The following PARVB variants were observed in gnomAD, a reference collection of about 807,000 sequenced individuals.
PARVB encodes parvin beta, also known as beta-parvin.
In PARVB, 46 loss-of-function variants were observed where a neutral mutation model predicts 47.0. The ratio of observed to expected loss-of-function variants is 0.98; its 90% CI spans 0.77 to 1.25. The LOEUF (loss-of-function observed/expected upper bound fraction) is 1.25, where lower values mean the gene tolerates loss of function less well. Ranked by LOEUF, PARVB falls within the 50% of genes most tolerant of loss-of-function variation. The pLI is 0.00. For missense variants in PARVB, 473 were observed against 471.6 expected (o/e 1.00, Z -0.03); for synonymous variants, 196 against 196.3 (o/e 1.00, Z 0.01).
chr22:44,122,534 GAGAGAGAGAGAGAGAGAGACACAGAGAC>G lies in PARVB; in HGVS notation c.376+3414_376+3441del, dbSNP rs1569134395. On this transcript the variant is annotated intron_variant, in intron 4 of 12. Transcript: ENST00000338758. ...AGAGAGAGAGACAGAGAGACAGAGAGAGAGAGAGAGAGAGAGAGACACAGAGACAGAGAGAGAGAGAGAGAGAGAGAGA... is the reference window on the plus strand; with the variant it reads ...AGAGAGAGAGACAGAGAGACAGAGAGAGAGAGAGAGAGAGAGAGAGAGAGA... Among the ~76,000 whole-genome samples the G allele has an allele frequency of 4.2e-3, 406 of 96,820 alleles. 7 individuals are homozygous for G. Among genetic ancestry groups the G allele is most frequent in the Non-Finnish European group, 4.8e-3 (232 of 48,712 alleles). 63.5% of individuals were successfully genotyped at this position (96,820 alleles called of 152,430 possible).
In PARVB at chr22:44,131,471, G is replaced by T; in HGVS notation, c.377-16G>T. 1.2e-6 allele frequency: 2 copies of T among 1,612,950 alleles called. No individual in the cohort carries two copies. The highest frequency in any genetic ancestry group is 1.7e-6 in the Non-Finnish European group (2 of 1,179,438). On this transcript the variant is annotated splice_polypyrimidine_tract_variant and intron_variant, in intron 4 of 12. Transcript: ENST00000338758. ...CAGCTTTTTCTGACCCTCTTCTCTTGTGCTTCTCATTGCAGAAAAACTGGC... is the reference window on the plus strand; with the variant it reads ...CAGCTTTTTCTGACCCTCTTCTCTTTTGCTTCTCATTGCAGAAAAACTGGC...
At chr22:44,004,665 C>T (rs1354120823) in intron 2 of PARVB, among the ~76,000 whole-genome samples, 1 of 152,182 alleles carries the variant, frequency 6.6e-6, no homozygotes, top group Non-Finnish European at 1.5e-5. Flanking sequence ...GTAGTTCCTG[C>T]CTTAAGATGT....
intron 4 of PARVB, among the ~76,000 whole-genome samples, chr22:44,130,265 G>A (rs565599793): frequency 1.4e-4 from 21 of 152,328 alleles, no homozygotes; most frequent in Non-Finnish European, 2.5e-4. Context: ...GCTCTGTGAC[G>A]TCGCTTTTGT....
At chr22:44,042,345 C>T (rs374678919) in intron 1 of PARVB, among the ~76,000 whole-genome samples, 27 of 152,152 alleles carry the variant, frequency 1.8e-4, no homozygotes, top group African/African-American at 6.3e-4. Flanking sequence ...CGCTTGAACC[C>T]GGGTGGCGGA....
At chr22:44,106,151 T>G (rs2052563032) in intron 3 of PARVB, 1 of 147,864 alleles carries the variant, frequency 6.8e-6, no homozygotes, top group Non-Finnish European at 1.5e-5. Context: ...TTTTTTTTTT[T>G]TTTTTTTTTT....
Position 44,120,449 on chromosome 22 carries a change from C to T in PARVB, c.376+1309C>T, listed in dbSNP as rs565325878. Among the ~76,000 whole-genome samples the T allele has an allele frequency of 3.3e-5, 5 of 152,278 alleles. 1 individual carries two copies. In the East Asian group the frequency reaches 7.7e-4, roughly 24 times the overall value. On this transcript the variant is annotated intron_variant, in intron 4 of 12. Coordinates refer to ENST00000338758, the MANE Select transcript of PARVB (RefSeq NM_013327.5). ...CTTGTCTTGTAGAATATCCTCCCAT[C>T]GGGATCTGTCTGTCTCCTCACGATG...
At chr22:44,067,925 A>G (rs1274257941) in intron 1 of PARVB, among the ~76,000 whole-genome samples, 1 of 152,128 alleles carries the variant, frequency 6.6e-6, no homozygotes, top group African/African-American at 2.4e-5. Context: ...GTTGGGGGAC[A>G]GGGGTGACCG....
chr22:44,132,400 AAG>A (rs1198352167), intron 5 of PARVB, among the ~76,000 whole-genome samples: 2 of 152,198 alleles, frequency 1.3e-5, no homozygotes, highest in Non-Finnish European at 2.9e-5. Context: ...CATGCTGAGG[AAG>A]AGAGAGGACA....
intron 1 of PARVB, among the ~76,000 whole-genome samples, chr22:44,085,370 C>T (rs757416937): frequency 6.6e-6 from 1 of 152,128 alleles, no homozygotes; most frequent in African/African-American, 2.4e-5. Flanking sequence ...AGTGCAGTGG[C>T]GTGATCTTGG....
At chr22:44,104,678 G>C (rs891262742) in intron 3 of PARVB, 1 of 152,236 alleles carries the variant, frequency 6.6e-6, no homozygotes, top group Non-Finnish European at 1.5e-5. Context: ...GTGGGTAGGG[G>C]TGAGCAGGTG....
At chr22:44,121,594 T>C (rs975415706) in intron 4 of PARVB, among the ~76,000 whole-genome samples, 4 of 152,064 alleles carry the variant, frequency 2.6e-5, no homozygotes, top group South Asian at 2.1e-4. Context: ...AATAACACAT[T>C]CCCCTGGACT....
In PARVB at chr22:44,073,786, C is replaced by T. The variant is rs188139900; in HGVS notation, c.113-20142C>T. ...GTAGGCCAAGGCAGCGGTTCTGGGA[C>T]CAGCTCTGGGGCCACCTGCTTTTCC... On this transcript the variant is annotated intron_variant, in intron 1 of 12. Coordinates refer to ENST00000338758, the MANE Select transcript of PARVB (RefSeq NM_013327.5). 2.6e-5 allele frequency among the ~76,000 whole-genome samples: 4 copies of T among 152,362 alleles called. No individual in the cohort carries two copies. In the East Asian group the frequency reaches 7.7e-4, roughly 29 times the overall value.
chr22:44,054,684 G>A (rs549713358), intron 1 of PARVB, among the ~76,000 whole-genome samples: 30 of 152,240 alleles, frequency 2.0e-4, no homozygotes, highest in African/African-American at 7.2e-4. Flanking sequence ...CCACTGAACC[G>A]TACACTTAAA....
chr22:44,034,031 T>C (rs1298091557), intron 1 of PARVB, among the ~76,000 whole-genome samples: 1 of 151,820 alleles, frequency 6.6e-6, no homozygotes, highest in Non-Finnish European at 1.5e-5. Flanking sequence ...CATGCGCATA[T>C]GGTATTCAGA....
chr22:44,043,677 G>A (rs1200970598), intron 1 of PARVB, among the ~76,000 whole-genome samples: 2 of 151,592 alleles, frequency 1.3e-5, no homozygotes, highest in African/African-American at 2.4e-5. Flanking sequence ...GCGCCCAGCC[G>A]AATTGTACAC....
At chr22:44,120,545 CAGG>C (rs1355015968) in intron 4 of PARVB, among the ~76,000 whole-genome samples, 5 of 152,132 alleles carry the variant, frequency 3.3e-5, no homozygotes, top group African/African-American at 1.2e-4. Flanking sequence ...GGCATCGTAT[CAGG>C]AGGAGCACAC....
intron 2 of PARVB, among the ~76,000 whole-genome samples, chr22:44,014,032 T>C (rs751483736): frequency 6.6e-5 from 10 of 152,168 alleles, no homozygotes; most frequent in Non-Finnish European, 2.9e-5. Context: ...CTGGGCAACA[T>C]AGCAAGACCT....
rs915117831 is a variant in PARVB at position 44,172,892 on chromosome 22, T to C, written c.*4214T>C. The C allele has an allele frequency of 2.9e-6, 3 of 1,040,180 alleles. No individual in the cohort carries two copies. In the African/African-American group the frequency reaches 5.0e-5, roughly 17 times the overall value. 64.4% of individuals were successfully genotyped at this position (1,040,180 alleles called of 1,614,324 possible). A position where few individuals can be genotyped will look rare whatever the true frequency, so the allele number is the denominator to read the frequency against. ...GGGATGCGGTTAGGACAATGCCACG[T>C]GGCGTCACAGTATGCTGTTATTTAT... On this transcript the variant is annotated 3_prime_UTR_variant, in exon 13 of 13. Coordinates refer to ENST00000338758, the MANE Select transcript of PARVB (RefSeq NM_013327.5).
chr22:44,081,019 C>T (rs560923145), intron 1 of PARVB, among the ~76,000 whole-genome samples: 1 of 152,306 alleles, frequency 6.6e-6, no homozygotes, highest in East Asian at 1.9e-4. Flanking sequence ...CTCCACCTGC[C>T]GTCATCCCTC....
Sources: gnomAD v4.1 joint callset for allele counts (sites outside exome capture counted in the v4.1 genomes callset) on GRCh38, gnomAD v4.1.1 for gene constraint, MANE v1.5 for transcripts, NCBI Gene and HGNC (gene_info 2026-07-23, HGNC 2026-07-21) for gene names.